Variants in CIRBP observed in about 807,000 individuals in gnomAD.
CIRBP encodes cold-inducible RNA-binding protein.
A neutral mutation model predicts 22.3 loss-of-function variants in CIRBP; 11 were observed. The ratio of observed to expected loss-of-function variants is 0.49; its 90% CI spans 0.31 to 0.82. CIRBP has a LOEUF of 0.82. CIRBP is among the 40% of genes least tolerant of loss of function. CIRBP has a pLI of 0.05. For synonymous variants in CIRBP, 216 were observed against 158.8 expected (o/e 1.36, Z -2.71); for missense variants, 456 against 402.7 (o/e 1.13, Z -1.13).
At chr19:1,271,738 A>G in intron 5 of CIRBP, 106 bp downstream of exon 5, 1 of 803,624 alleles carries the variant, frequency 1.2e-6, no homozygotes, top group Non-Finnish European at 2.0e-6. Context: ...CTGGGCAAGG[A>G]GCAGAGGCAG....
At chr19:1,270,652 A>T (rs915934845) in intron 1 of CIRBP, among the ~76,000 whole-genome samples, 3 of 152,130 alleles carry the variant, frequency 2.0e-5, no homozygotes, top group African/African-American at 7.2e-5. Flanking sequence ...GTACACCTAC[A>T]GTCCCAGTTT....
intron 1 of CIRBP, chr19:1,270,350 C>G (rs930880999): frequency 1.4e-5 from 5 of 353,946 alleles, no homozygotes; most frequent in Non-Finnish European, 1.7e-5. Flanking sequence ...ATAGGAGAAC[C>G]TGAGAGTGCA....
At chr19:1,269,752 G>T in intron 1 of CIRBP, 1 of 401,924 alleles carries the variant, frequency 2.5e-6, no homozygotes, top group East Asian at 6.5e-5. Context: ...GGGCCACGTG[G>T]CGCCCCCGGT....
chr19:1,269,994 T>C lies in CIRBP; in HGVS notation c.-7+584T>C, dbSNP rs754366834. 7.7e-6 allele frequency: 4 copies of C among 519,686 alleles called. No homozygotes were observed. In the African/African-American group the frequency reaches 7.7e-5, roughly 10 times the overall value. 32.2% of individuals were successfully genotyped at this position (519,686 alleles called of 1,614,324 possible). A position where few individuals can be genotyped will look rare whatever the true frequency, so the allele number is the denominator to read the frequency against. ...CAGCTCCCAGTGCCAGACTTCCAAGTCTAGTTCTCAGAGCCACTGGGTGGC... is the reference window on the plus strand; with the variant it reads ...CAGCTCCCAGTGCCAGACTTCCAAGCCTAGTTCTCAGAGCCACTGGGTGGC... On this transcript the variant is annotated intron_variant, in intron 1 of 5. Transcript: ENST00000587896.
chr19:1,272,395 G>A lies in CIRBP; in HGVS notation c.846G>A (p.Val282=). 1 of 1,587,272 alleles carries A rather than the reference G, an allele frequency of 6.3e-7. No individual in the cohort carries two copies. Among genetic ancestry groups the A allele is most frequent in the Non-Finnish European group, 8.6e-7 (1 of 1,167,936 alleles). The part of the protein sequence containing the change: ...SGVKLPLVAS[V]PLHCACFLSS... ...TGAAGCTGCCTCTTGTTGCTTCGGT[G>A]CCTTTACACTGTGCCTGCTTCTTGT... is the stretch of plus-strand genomic sequence containing the variant. The change falls in exon 6 of 6, where the codon GTG becomes GTA. Residue 282 remains valine (V), a synonymous_variant. Transcript: ENST00000587896.
chr19:1,274,826 C>G (rs529909833), downstream of CIRBP: 1 of 152,838 alleles, frequency 6.5e-6, no homozygotes, highest in Admixed American at 6.5e-5. Context: ...GTCTGTGGTT[C>G]AGGGGGGTCT....
At position 1,272,255 on chromosome 19, in the gene CIRBP, C is replaced by T. The variant is rs1468522156; in HGVS notation, c.706C>T (p.Arg236Ter). 3.1e-6 allele frequency: 5 copies of T among 1,607,920 alleles called. No homozygotes were observed. Among genetic ancestry groups the T allele is most frequent in the Middle Eastern group, 1.6e-4 (1 of 6,076 alleles). The change falls in exon 6 of 6, where the codon CGA (arginine) becomes TGA (stop). Residue 236 changes from arginine (R) to a stop codon, truncating the protein, a stop_gained. Transcript: ENST00000587896. LOFTEE classifies it low-confidence loss of function (END_TRUNC). ...GACTGACCAAAAAGGCAAGGGAGAG[C>T]GAGGGCCCGCTGGGCAGTCAGCTAG... ...NETDQKGKGE[R>*]GPAGQSARCM...
At position 1,269,735 on chromosome 19, in the gene CIRBP, G is replaced by A. The variant is rs367902985; in HGVS notation, c.-7+325G>A. The A allele has an allele frequency of 6.4e-5, 24 of 373,464 alleles. No individual in the cohort carries two copies. The East Asian group carries it at 1.4e-3, about 22-fold the overall frequency. 23.1% of individuals were successfully genotyped at this position (373,464 alleles called of 1,614,324 possible). A position where few individuals can be genotyped will look rare whatever the true frequency, so the allele number is the denominator to read the frequency against. On this transcript the variant is annotated intron_variant, in intron 1 of 5. Transcript: ENST00000587896. ...CGCGCGGGGCGCATGCGCACGCGGC[G>A]GGGGCGGGGCCACGTGGCGCCCCCG...
At chr19:1,270,186 C>T (rs762905977) in intron 1 of CIRBP, 2 of 482,816 alleles carry the variant, frequency 4.1e-6, no homozygotes, top group South Asian at 1.5e-5. Flanking sequence ...AAGTCAGTAC[C>T]TGCCCTGAGG....
intron 1 of CIRBP, chr19:1,269,698 T>C: frequency 3.0e-6 from 1 of 335,876 alleles, no homozygotes; most frequent in South Asian, 2.2e-5. Context: ...CCGGATGGAG[T>C]GGCGCAGGGT....
intron 1 of CIRBP, chr19:1,270,086 TCC>T: frequency 1.9e-6 from 1 of 516,176 alleles, no homozygotes; most frequent in Non-Finnish European, 3.9e-6. Context: ...TAGCCAGTTC[TCC>T]TAAATGCCAC....
rs1311758573 is a variant in CIRBP, at chr19:1,271,429, T to A, written c.311T>A (p.Phe104Tyr). 6.2e-7 allele frequency: 1 copy of A among 1,613,094 alleles called. No homozygotes were observed. The highest frequency in any genetic ancestry group is 1.7e-5 in the Admixed American group (1 of 59,958). Residue 104 changes from phenylalanine to tyrosine, a missense_variant, in exon 4 of 6, where the codon TTC becomes TAC. Coordinates refer to ENST00000587896, the MANE Select transcript of CIRBP (RefSeq NM_001300829.2). The part of the protein sequence containing the change: ...RGGSAGGRGF[F>Y]RGGRGRGRGF... ...GGCTCTGCCGGGGGCCGGGGCTTCT[T>A]CCGTGGGGGCCGAGGACGGGGCCGT...
Position 1,271,393 on chromosome 19 carries a change from G to A in CIRBP, c.275G>A (p.Gly92Glu). 1 of 1,613,872 alleles carries A rather than the reference G, an allele frequency of 6.2e-7. No individual in the cohort carries two copies. Among genetic ancestry groups the A allele is most frequent in the African/African-American group, 1.3e-5 (1 of 75,052 alleles). Residue 92 changes from glycine (G) to glutamate (E), a missense_variant, in exon 4 of 6, where the codon GGG becomes GAG. Physicochemically the swap from Gly to Glu is moderately conservative, Grantham distance 98. Coordinates refer to ENST00000587896, the MANE Select transcript of CIRBP (RefSeq NM_001300829.2). ...AGKSSDNRSR[G>E]YRGGSAGGRG... ...AAGTCGTCAGACAACCGATCCCGTG[G>A]GTACCGTGGTGGCTCTGCCGGGGGC...
intron 1 of CIRBP, 84 bp from the exon 2 acceptor site, chr19:1,270,844 C>A: frequency 3.4e-6 from 3 of 874,756 alleles, no homozygotes; most frequent in Non-Finnish European, 1.9e-6. Flanking sequence ...CCCTAAAAAA[C>A]ACATGTCATT....
intron 5 of CIRBP, 157 bp from the exon 6 acceptor site, chr19:1,271,821 CTGG>C: frequency 1.4e-6 from 1 of 733,958 alleles, no homozygotes; most frequent in Non-Finnish European, 2.3e-6. Flanking sequence ...GGGGGACAGG[CTGG>C]TGGAGATTTT....
intron 5 of CIRBP, 160 bp from the exon 6 acceptor site, chr19:1,271,821 C>G: frequency 6.8e-6 from 5 of 733,958 alleles, no homozygotes; most frequent in Non-Finnish European, 6.8e-6. Context: ...GGGGGACAGG[C>G]TGGTGGAGAT....
Position 1,272,585 on chromosome 19 carries a change from C to T in CIRBP, c.*142C>T. On this transcript the variant is annotated 3_prime_UTR_variant, in exon 6 of 6. Transcript: ENST00000587896. Reference sequence around the variant, plus strand: ...ATTTCGGTTCTGATCTTGTCAAACCCAGCCTGACCGCTTCTGACGCCGGGA... The same window carrying T: ...ATTTCGGTTCTGATCTTGTCAAACCTAGCCTGACCGCTTCTGACGCCGGGA... 1.4e-6 allele frequency: 1 copy of T among 740,258 alleles called. No individual in the cohort carries two copies. The highest frequency in any genetic ancestry group is 2.2e-6 in the Non-Finnish European group (1 of 452,304). The allele number at this position is 740,258 out of a possible 1,614,324, so 45.9% of individuals were successfully genotyped here. A position where few individuals can be genotyped will look rare whatever the true frequency, so the allele number is the denominator to read the frequency against.
chr19:1,271,868 C>G, intron 5 of CIRBP, 113 bp from the exon 6 acceptor site: 1 of 944,102 alleles, frequency 1.1e-6, no homozygotes, highest in South Asian at 1.6e-5. Flanking sequence ...TGCTGGGGTC[C>G]TTGTTGTGTC....
At chr19:1,270,090 A>C (rs755916116) in intron 1 of CIRBP, 2 of 519,346 alleles carry the variant, frequency 3.9e-6, no homozygotes, top group Non-Finnish European at 7.7e-6. Flanking sequence ...CAGTTCTCCT[A>C]AATGCCACTT....
Sources: gnomAD v4.1 joint callset for allele counts (sites outside exome capture counted in the v4.1 genomes callset) on GRCh38, gnomAD v4.1.1 for gene constraint, MANE v1.5 for transcripts, NCBI Gene and HGNC (gene_info 2026-07-23, HGNC 2026-07-21) for gene names.